Variants in DLGAP2 observed in about 807,000 individuals in gnomAD.
DLGAP2 encodes DLG associated protein 2.
Under a neutral mutation model 100.3 loss-of-function variants are expected in DLGAP2, and 26 were observed. The observed-to-expected ratio is 0.26, with a 90% confidence interval of 0.19 to 0.36. The LOEUF is 0.36. Among genes scored for constraint, DLGAP2 ranks in the 10% least tolerant of loss-of-function variants. DLGAP2 has a pLI of 1.00. For missense variants in DLGAP2, 1,858 were observed against 1,453.2 expected (o/e 1.28, Z -4.53); for synonymous variants, 886 against 630.1 (o/e 1.41, Z -6.08).
chr8:1,440,466 G>C (rs1797797978), intron 3 of DLGAP2, among the ~76,000 whole-genome samples: 1 of 152,228 alleles, frequency 6.6e-6, no homozygotes, highest in Non-Finnish European at 1.5e-5. Context: ...CCCGAATGCA[G>C]AGAAACACTA....
chr8:1,037,124 G>A (rs1802150692), intron 2 of DLGAP2, among the ~76,000 whole-genome samples: 1 of 152,104 alleles, frequency 6.6e-6, no homozygotes, highest in African/African-American at 2.4e-5. Context: ...TGGTCACGTA[G>A]AGAGAGAGGA....
intron 2 of DLGAP2, among the ~76,000 whole-genome samples, chr8:968,851 T>C (rs567977416): frequency 1.3e-5 from 2 of 152,234 alleles, no homozygotes; most frequent in African/African-American, 4.8e-5. Flanking sequence ...CCACGTATAA[T>C]GAAACCGATG....
intron 2 of DLGAP2, among the ~76,000 whole-genome samples, chr8:1,076,903 G>GC (rs371675299): frequency 5.3e-4 from 74 of 139,714 alleles, no homozygotes; most frequent in Middle Eastern, 3.7e-3. Flanking sequence ...GTCTGTCCCG[G>GC]CCCCCCCCAA....
At chr8:895,358 T>A (rs149019646) in intron 1 of DLGAP2, among the ~76,000 whole-genome samples, 1 of 152,158 alleles carries the variant, frequency 6.6e-6, no homozygotes, top group Non-Finnish European at 1.5e-5. Context: ...GCTGTTGCAG[T>A]TGCAGTGTTG....
At chr8:1,661,980 G>A (rs971355940) in intron 8 of DLGAP2, among the ~76,000 whole-genome samples, 2 of 152,148 alleles carry the variant, frequency 1.3e-5, no homozygotes, top group Admixed American at 6.5e-5. Context: ...ACACGGTCAC[G>A]CTCCTTACAG....
chr8:1,010,094 CAAACT>C (rs752230473), intron 2 of DLGAP2, among the ~76,000 whole-genome samples: 1 of 152,210 alleles, frequency 6.6e-6, no homozygotes, highest in Admixed American at 6.5e-5. Context: ...TCATCTTCAA[CAAACT>C]AAAGATTTTT....
At chr8:865,465 T>C (rs1248408813) in intron 1 of DLGAP2, among the ~76,000 whole-genome samples, 6 of 152,202 alleles carry the variant, frequency 3.9e-5, no homozygotes, top group Admixed American at 3.3e-4. Flanking sequence ...AGCCTCGTGC[T>C]GTTCTCAGTG....
At chr8:950,491 A>G (rs1345612871) in intron 2 of DLGAP2, among the ~76,000 whole-genome samples, 1 of 152,194 alleles carries the variant, frequency 6.6e-6, no homozygotes, top group Non-Finnish European at 1.5e-5. Flanking sequence ...GTGAGAAAAC[A>G]TCTTTGAAGA....
intron 7 of DLGAP2, among the ~76,000 whole-genome samples, chr8:1,631,379 C>T (rs575545445): frequency 8.5e-5 from 13 of 152,098 alleles, no homozygotes; most frequent in African/African-American, 2.9e-4. Context: ...ACGCTGTCTA[C>T]GATACATCTT....
chr8:1,237,540 T>TTC (rs1798689727), intron 2 of DLGAP2, among the ~76,000 whole-genome samples: 1 of 132,868 alleles, frequency 7.5e-6, no homozygotes, highest in African/African-American at 3.0e-5. Context: ...TCGTGTCTAG[T>TTC]TCTCTCACAT....
chr8:1,037,592 T>A (rs1044814812), intron 2 of DLGAP2, among the ~76,000 whole-genome samples: 3 of 152,214 alleles, frequency 2.0e-5, no homozygotes, highest in Admixed American at 6.5e-5. Context: ...AGGGGTTAAT[T>A]TTACGCTTTT....
rs184283554 is a variant in DLGAP2, at chr8:1,114,511, G to A, written c.74-144340G>A. ...AGAGGTGTTCATAGTAGTTTTTGGT[G>A]GTTATTTTTATTTCTGTGGGGTCAG... On this transcript the variant is annotated intron_variant, in intron 2 of 14. Transcript: ENST00000637795. 2.6e-3 allele frequency among the ~76,000 whole-genome samples: 391 copies of A among 151,940 alleles called. 4 individuals are homozygous for A. The highest frequency in any genetic ancestry group is 0.01 in the Middle Eastern group (3 of 294).
chr8:1,234,714 T>G (rs1798606646), intron 2 of DLGAP2, among the ~76,000 whole-genome samples: 1 of 152,176 alleles, frequency 6.6e-6, no homozygotes, highest in Non-Finnish European at 1.5e-5. Flanking sequence ...CTGACAGTGA[T>G]TCTGTTGCAC....
At chr8:1,431,644 G>C (rs745839048) in intron 3 of DLGAP2, among the ~76,000 whole-genome samples, 14 of 144,974 alleles carry the variant, frequency 9.7e-5, no homozygotes, top group Non-Finnish European at 2.2e-4. Flanking sequence ...GCGTGGTGAT[G>C]AGACCGGGGC....
intron 3 of DLGAP2, among the ~76,000 whole-genome samples, chr8:1,259,241 A>G (rs984255738): frequency 6.6e-6 from 1 of 152,180 alleles, no homozygotes; most frequent in African/African-American, 2.4e-5. Flanking sequence ...CCGCAGGCTG[A>G]GTCGGATCTG....
intron 3 of DLGAP2, among the ~76,000 whole-genome samples, chr8:1,366,889 C>T (rs1417517874): frequency 6.6e-6 from 1 of 152,066 alleles, no homozygotes; most frequent in African/African-American, 2.4e-5. Context: ...ACATGGCAAC[C>T]CCTCCAACAC....
At chr8:950,732 C>T (rs1799458428) in intron 2 of DLGAP2, among the ~76,000 whole-genome samples, 1 of 151,412 alleles carries the variant, frequency 6.6e-6, no homozygotes, top group Non-Finnish European at 1.5e-5. Context: ...AGCATTTCTC[C>T]TGCCTCAGCC....
At position 1,706,058 on chromosome 8, in the gene DLGAP2, G is replaced by A. The variant is rs1799696809; in HGVS notation, c.*4652G>A. On this transcript the variant is annotated 3_prime_UTR_variant, in exon 15 of 15. Transcript: ENST00000637795. ...CAGGAGCCCCATCTTGTCGCTATTA[G>A]TTGGGAGTTGCAATACATTGTTGGC... 6.6e-6 allele frequency: 1 copy of A among 152,244 alleles called. No individual in the cohort carries two copies. The highest frequency in any genetic ancestry group is 1.9e-4 in the East Asian group (1 of 5,190). The allele number at this position is 152,244 out of a possible 1,614,324, so 9.4% of individuals were successfully genotyped here. A position where few individuals can be genotyped will look rare whatever the true frequency, so the allele number is the denominator to read the frequency against.
chr8:1,272,176 C>T (rs539201053), intron 3 of DLGAP2, among the ~76,000 whole-genome samples: 1 of 152,180 alleles, frequency 6.6e-6, no homozygotes, highest in African/African-American at 2.4e-5. Context: ...GATGTAATCA[C>T]ATTTTAAAAG....
Sources: allele counts gnomAD v4.1 joint callset (sites outside exome capture counted in the v4.1 genomes callset), GRCh38; gene constraint gnomAD v4.1.1; transcripts MANE v1.5; gene names NCBI Gene and HGNC (gene_info 2026-07-23, HGNC 2026-07-21).